The following PPP3CC variants were observed in gnomAD, a reference collection of about 807,000 sequenced individuals.
The protein encoded by PPP3CC is protein phosphatase 3 catalytic subunit gamma.
In PPP3CC, 35 loss-of-function variants were observed where a neutral mutation model predicts 60.3. The ratio of observed to expected loss-of-function variants is 0.58; its 90% CI spans 0.44 to 0.77. The LOEUF (loss-of-function observed/expected upper bound fraction) is 0.77, where lower values mean the gene tolerates loss of function less well. Among genes scored for constraint, PPP3CC ranks in the 30% least tolerant of loss-of-function variants. The probability of loss-of-function intolerance (pLI) is 0.00; values close to 1 mark genes in which losing one functional copy is unlikely to be tolerated. For missense variants in PPP3CC, 570 were observed against 628.9 expected, an observed-to-expected ratio of 0.91 and a Z score of 1.00; for synonymous variants, 206 against 224.3, an observed-to-expected ratio of 0.92 and a Z score of 0.73.
At chr8:22,506,833 T>G (rs1331553031) in intron 4 of PPP3CC, among the ~76,000 whole-genome samples, 1 of 151,958 alleles carries the variant, frequency 6.6e-6, no homozygotes, top group Non-Finnish European at 1.5e-5. Context: ...TCCCAGCTAC[T>G]CGGGAGGCTG....
intron 4 of PPP3CC, among the ~76,000 whole-genome samples, chr8:22,499,772 C>T (rs1200908738): frequency 3.3e-5 from 5 of 152,166 alleles, no homozygotes; most frequent in Non-Finnish European, 7.4e-5. Context: ...CATTCTATTT[C>T]ATTCATGTCA....
rs1586792889 is a variant in PPP3CC at position 22,458,665 on chromosome 8, A to C, written c.50-16289A>C. Among the ~76,000 whole-genome samples the C allele has an allele frequency of 2.0e-5, 3 of 151,862 alleles. No individual in the cohort carries two copies. The South Asian group carries it at 6.2e-4, about 31-fold the overall frequency. On this transcript the variant is annotated intron_variant, in intron 1 of 13. Transcript: ENST00000240139. Reference sequence around the variant, plus strand: ...AGTAAAATAAAAATATATATATATCACTACTAGCTAGGATTTTAGGAAGGC... The same window carrying C: ...AGTAAAATAAAAATATATATATATCCCTACTAGCTAGGATTTTAGGAAGGC...
At chr8:22,479,385 T>C (rs950246938) in intron 3 of PPP3CC, among the ~76,000 whole-genome samples, 6 of 152,082 alleles carry the variant, frequency 3.9e-5, no homozygotes, top group Admixed American at 3.9e-4. Context: ...TCAAGAAAAT[T>C]GAGAGCATTT....
chr8:22,503,458 T>G (rs1838819404), intron 4 of PPP3CC, among the ~76,000 whole-genome samples: 1 of 152,188 alleles, frequency 6.6e-6, no homozygotes, highest in African/African-American at 2.4e-5. Flanking sequence ...GCTGCCTTTG[T>G]TTTGAATTAA....
chr8:22,469,571 A>G (rs912852297), intron 1 of PPP3CC, among the ~76,000 whole-genome samples: 1 of 152,114 alleles, frequency 6.6e-6, no homozygotes, highest in African/African-American at 2.4e-5. Flanking sequence ...GAGGGAAAAA[A>G]AAAAGCTACA....
chr8:22,447,373 G>A (rs1048543542), intron 1 of PPP3CC, among the ~76,000 whole-genome samples: 9 of 151,578 alleles, frequency 5.9e-5, no homozygotes, highest in Admixed American at 2.0e-4. Context: ...TAGTAGAGAC[G>A]GGGTTTCACT....
chr8:22,490,698 C>T (rs1413801578), intron 3 of PPP3CC, among the ~76,000 whole-genome samples: 2 of 149,144 alleles, frequency 1.3e-5, no homozygotes, highest in East Asian at 2.0e-4. Context: ...TGAGAACATG[C>T]GGTGGTTGGT....
chr8:22,489,740 A>AT (rs1377169869), intron 3 of PPP3CC, among the ~76,000 whole-genome samples: 67 of 66,880 alleles, frequency 1.0e-3, no homozygotes, highest in Admixed American at 1.6e-3. Context: ...TATATATAAT[A>AT]AGTATATATT....
At chr8:22,511,607 C>G (rs951662854) in intron 5 of PPP3CC, among the ~76,000 whole-genome samples, 1 of 152,110 alleles carries the variant, frequency 6.6e-6, no homozygotes, top group Non-Finnish European at 1.5e-5. Flanking sequence ...ACCAATATAT[C>G]TTTAGCTGAA....
rs1193355227 is a variant in PPP3CC at position 22,455,161 on chromosome 8, A to T, written c.49+13703A>T. 2.6e-5 allele frequency among the ~76,000 whole-genome samples: 4 copies of T among 152,224 alleles called. No individual in the cohort carries two copies. In the East Asian group the frequency reaches 7.7e-4, roughly 29 times the overall value. On this transcript the variant is annotated intron_variant, in intron 1 of 13. Coordinates refer to ENST00000240139, the MANE Select transcript of PPP3CC (RefSeq NM_005605.5). ...TAGTATAGATAGAATTTTGGAAGTG[A>T]TGTATTCATAAATATTTGATGAGTT...
At chr8:22,488,544 G>A (rs1474101527) in intron 3 of PPP3CC, among the ~76,000 whole-genome samples, 2 of 152,194 alleles carry the variant, frequency 1.3e-5, no homozygotes, top group Non-Finnish European at 2.9e-5. Context: ...AAACAACAAA[G>A]AATGAATGAT....
In PPP3CC at chr8:22,441,852, GC is replaced by G. The variant is rs1024126969; in HGVS notation, c.49+400del. Among the ~76,000 whole-genome samples, 8 of 152,100 alleles carry G rather than the reference GC, an allele frequency of 5.3e-5. No individual in the cohort carries two copies. The South Asian group carries it at 1.5e-3, about 28-fold the overall frequency. ...TAAGATTAGATCTTTCTTGACGTCC[GC>G]CCCCCACCCTTTTTTAGGACGTATA... is the stretch of plus-strand genomic sequence containing the variant. On this transcript the variant is annotated intron_variant, in intron 1 of 13. Coordinates refer to ENST00000240139, the MANE Select transcript of PPP3CC (RefSeq NM_005605.5).
Position 22,441,275 on chromosome 8 carries a change from A to C in PPP3CC, c.-135A>C, listed in dbSNP as rs2132414256. 2 of 797,498 alleles carry C rather than the reference A, an allele frequency of 2.5e-6. No homozygotes were observed. Among genetic ancestry groups the C allele is most frequent in the Non-Finnish European group, 3.6e-6 (2 of 552,548 alleles). 49.4% of individuals were successfully genotyped at this position (797,498 alleles called of 1,614,324 possible). ...GGCCGCGCCCTTCTGGTGCTCGGAC[A>C]CCGCTGAGGAGCCGGGGCCGGGCAC... On this transcript the variant is annotated 5_prime_UTR_variant, in exon 1 of 14. Coordinates refer to ENST00000240139, the MANE Select transcript of PPP3CC (RefSeq NM_005605.5).
chr8:22,526,704 T>C (rs1463705017), intron 8 of PPP3CC, among the ~76,000 whole-genome samples: 2 of 152,208 alleles, frequency 1.3e-5, no homozygotes, highest in African/African-American at 4.8e-5. Flanking sequence ...AATTGGATTT[T>C]AAGACTTTCA....
chr8:22,486,153 T>C lies in PPP3CC; in HGVS notation c.372+10529T>C, dbSNP rs556668257. Among the ~76,000 whole-genome samples, 19 of 152,360 alleles carry C rather than the reference T, an allele frequency of 1.2e-4. 2 individuals are homozygous for C. The highest frequency in any genetic ancestry group is 4.6e-4 in the African/African-American group (19 of 41,590). Reference sequence around the variant, plus strand: ...TAATGATATAAATACCTTAATTTATTTCACCATTCCTCTACTGTTGGAAAA... The same window carrying C: ...TAATGATATAAATACCTTAATTTATCTCACCATTCCTCTACTGTTGGAAAA... On this transcript the variant is annotated intron_variant, in intron 3 of 13. Coordinates refer to ENST00000240139, the MANE Select transcript of PPP3CC (RefSeq NM_005605.5).
At chr8:22,441,600 G>GCCTCCGAGAGCAGCCAC in intron 1 of PPP3CC, 142 bp downstream of exon 1, 1 of 909,670 alleles carries the variant, frequency 1.1e-6, no homozygotes, top group Non-Finnish European at 1.5e-6. Flanking sequence ...CCGGGCGGCA[G>GCCTCCGAGAGCAGCCAC]CCTCCGAGAG....
At chr8:22,516,235 C>A (rs1839240409) in intron 6 of PPP3CC, among the ~76,000 whole-genome samples, 2 of 152,140 alleles carry the variant, frequency 1.3e-5, no homozygotes, top group Non-Finnish European at 2.9e-5. Flanking sequence ...CCCCACCCAG[C>A]CAACAACCAT....
chr8:22,466,298 C>T (rs1165792673), intron 1 of PPP3CC, among the ~76,000 whole-genome samples: 1 of 152,178 alleles, frequency 6.6e-6, no homozygotes, highest in East Asian at 1.9e-4. Flanking sequence ...AATAAACATA[C>T]GTGCACATGT....
At chr8:22,532,435 T>G (rs1036793270) in intron 11 of PPP3CC, 129 bp downstream of exon 11, 25 of 725,840 alleles carry the variant, frequency 3.4e-5, no homozygotes, top group Non-Finnish European at 5.5e-5. Context: ...TGAGTGCAAA[T>G]TCAATGAACA....
Sources: gnomAD v4.1 joint callset for allele counts (sites outside exome capture counted in the v4.1 genomes callset) on GRCh38, gnomAD v4.1.1 for gene constraint, MANE v1.5 for transcripts, NCBI Gene and HGNC (gene_info 2026-07-23, HGNC 2026-07-21) for gene names.